The following ROBO2 variants were observed in gnomAD, a reference collection of about 807,000 sequenced individuals.
The protein encoded by ROBO2 is roundabout guidance receptor 2.
ROBO2 carries 53 observed loss-of-function variants against 160.8 expected under a neutral mutation model. The ratio of observed to expected loss-of-function variants is 0.33; its 90% CI spans 0.26 to 0.41. ROBO2 has a LOEUF of 0.41. ROBO2 is among the 10% of genes least tolerant of loss of function. The pLI, the probability that ROBO2 is intolerant of heterozygous loss-of-function variation, is 1.00. For missense variants in ROBO2, 1,577 were observed against 1,722.4 expected, an observed-to-expected ratio of 0.92 and a Z score of 1.49; for synonymous variants, 664 against 611.7, an observed-to-expected ratio of 1.09 and a Z score of -1.26.
intron 2 of ROBO2, among the ~76,000 whole-genome samples, chr3:76,362,335 G>A (rs2075570016): frequency 6.6e-6 from 1 of 152,018 alleles, no homozygotes; most frequent in Admixed American, 6.6e-5. Flanking sequence ...CTGCACTCCA[G>A]CCTGGGTTAC....
At chr3:76,114,582 G>A (rs769730769) in intron 2 of ROBO2, among the ~76,000 whole-genome samples, 1 of 151,880 alleles carries the variant, frequency 6.6e-6, no homozygotes, top group Non-Finnish European at 1.5e-5. Context: ...TATCTTTAAA[G>A]ATGAAGAAAT....
In ROBO2 at chr3:76,524,905, C is replaced by T. The variant is rs999872024; in HGVS notation, c.110-573109C>T. On this transcript the variant is annotated intron_variant, in intron 2 of 26. Transcript: ENST00000487694. ...ATACATCAAATAAATGATTTCTACG[C>T]CTCACATTGGATTTATAAAGATCCC... Among the ~76,000 whole-genome samples the T allele has an allele frequency of 1.4e-4, 20 of 139,478 alleles. No individual in the cohort carries two copies. In the East Asian group the frequency reaches 4.3e-3, roughly 30 times the overall value. The allele number at this position is 139,478 out of a possible 152,430, so 91.5% of individuals were successfully genotyped here. A position where few individuals can be genotyped will look rare whatever the true frequency, so the allele number is the denominator to read the frequency against.
chr3:76,033,546 CA>C (rs1441811139), intron 2 of ROBO2, among the ~76,000 whole-genome samples: 3 of 152,204 alleles, frequency 2.0e-5, no homozygotes, highest in African/African-American at 7.2e-5. Context: ...TGGAATTTTA[CA>C]CTGAAAAGTT....
At chr3:76,004,273 ACAAT>A (rs1042276354) in intron 2 of ROBO2, among the ~76,000 whole-genome samples, 2 of 152,200 alleles carry the variant, frequency 1.3e-5, no homozygotes, top group Non-Finnish European at 2.9e-5. Context: ...TCAATAAAAA[ACAAT>A]CAAGGCTACA....
intron 2 of ROBO2, among the ~76,000 whole-genome samples, chr3:77,164,759 TG>T (rs1183631750): frequency 3.0e-5 from 1 of 33,498 alleles, no homozygotes; most frequent in African/African-American, 6.7e-5. Context: ...GGGAGGGAAG[TG>T]GGGGGGTCAG....
At chr3:77,069,516 A>G (rs1463520994) in intron 1 of ROBO2, among the ~76,000 whole-genome samples, 1 of 152,222 alleles carries the variant, frequency 6.6e-6, no homozygotes, top group African/African-American at 2.4e-5. Context: ...TAATAAAATT[A>G]TACTTTGATG....
At chr3:77,362,793 A>G (rs932881528) in intron 2 of ROBO2, among the ~76,000 whole-genome samples, 2 of 152,130 alleles carry the variant, frequency 1.3e-5, no homozygotes, top group African/African-American at 2.4e-5. Flanking sequence ...ATCATGGTGG[A>G]AGGCAAATAA....
intron 2 of ROBO2, among the ~76,000 whole-genome samples, chr3:76,288,496 A>G (rs1426563143): frequency 6.8e-6 from 1 of 147,058 alleles, no homozygotes; most frequent in Non-Finnish European, 1.5e-5. Flanking sequence ...TTTTTTTTTC[A>G]TTTCCAACTT....
At chr3:76,529,317 A>C (rs966808921) in intron 2 of ROBO2, among the ~76,000 whole-genome samples, 2 of 152,152 alleles carry the variant, frequency 1.3e-5, no homozygotes, top group Non-Finnish European at 2.9e-5. Context: ...CTGCATGTAC[A>C]TTGCTCTGCA....
At chr3:76,433,984 C>A in intron 2 of ROBO2, 1 of 835,836 alleles carries the variant, frequency 1.2e-6, no homozygotes, top group Admixed American at 1.7e-5. Context: ...TAAGGGCAGT[C>A]CAGAGGTGAG....
At chr3:77,631,906 T>C (rs973892777) in intron 23 of ROBO2, 2 of 152,150 alleles carry the variant, frequency 1.3e-5, no homozygotes, top group Non-Finnish European at 2.9e-5. Flanking sequence ...TTTTTTCTTA[T>C]GTTCTAAGTT....
At chr3:75,969,494 GT>G (rs1264742226) in intron 2 of ROBO2, among the ~76,000 whole-genome samples, 1 of 151,512 alleles carries the variant, frequency 6.6e-6, no homozygotes. Flanking sequence ...CCTTCATACC[GT>G]TTCCCAAAAT....
chr3:76,662,844 T>G (rs558942304), intron 2 of ROBO2, among the ~76,000 whole-genome samples: 102 of 152,254 alleles, frequency 6.7e-4, no homozygotes, highest in Middle Eastern at 3.4e-3. Flanking sequence ...TAAACTGATA[T>G]GAGCATAGAC....
intron 2 of ROBO2, among the ~76,000 whole-genome samples, chr3:76,446,655 A>T (rs527460948): frequency 6.6e-6 from 1 of 152,334 alleles, no homozygotes; most frequent in African/African-American, 2.4e-5. Context: ...ACAAGGCTGC[A>T]GTAACCAAAG....
At chr3:76,342,451 G>T (rs894654120) in intron 2 of ROBO2, among the ~76,000 whole-genome samples, 8 of 152,112 alleles carry the variant, frequency 5.3e-5, no homozygotes, top group Non-Finnish European at 8.8e-5. Context: ...TGACTGCACA[G>T]AGTGGGTGCC....
At chr3:76,854,108 C>A (rs2069773967) in intron 2 of ROBO2, among the ~76,000 whole-genome samples, 1 of 145,178 alleles carries the variant, frequency 6.9e-6, no homozygotes, top group Non-Finnish European at 1.5e-5. Flanking sequence ...AAAATTATAG[C>A]ATGTTATACC....
intron 2 of ROBO2, among the ~76,000 whole-genome samples, chr3:77,424,842 T>G (rs9861539): frequency 0.12 from 18,563 of 151,890 alleles, 1,366 homozygotes; most frequent in East Asian, 0.28. Context: ...TAGTTTAGGG[T>G]TTTCAGCTCC....
At chr3:76,769,231 T>C (rs1172133344) in intron 2 of ROBO2, among the ~76,000 whole-genome samples, 1 of 151,432 alleles carries the variant, frequency 6.6e-6, no homozygotes, top group African/African-American at 2.4e-5. Context: ...AACGAATATA[T>C]GTAGAACAAC....
intron 2 of ROBO2, among the ~76,000 whole-genome samples, chr3:76,756,918 A>G (rs1420660881): frequency 6.6e-6 from 1 of 151,866 alleles, no homozygotes; most frequent in Non-Finnish European, 1.5e-5. Flanking sequence ...ATGTGGAGAA[A>G]GACTGTGAAG....
Sources: gnomAD v4.1 joint callset for allele counts (sites outside exome capture counted in the v4.1 genomes callset) on GRCh38, gnomAD v4.1.1 for gene constraint, MANE v1.5 for transcripts, NCBI Gene and HGNC (gene_info 2026-07-23, HGNC 2026-07-21) for gene names.